The following MAPRE2 variants were observed in gnomAD, a reference collection of about 807,000 sequenced individuals.
MAPRE2 encodes microtubule-associated protein RP/EB family member 2.
Under a neutral mutation model 43.2 loss-of-function variants are expected in MAPRE2, and 13 were observed. The ratio of observed to expected loss-of-function variants is 0.30; its 90% CI spans 0.20 to 0.48. The LOEUF is 0.48. Among genes scored for constraint, MAPRE2 ranks in the 20% least tolerant of loss-of-function variants. The probability of loss-of-function intolerance (pLI) is 0.99; values close to 1 mark genes in which losing one functional copy is unlikely to be tolerated. For missense variants in MAPRE2, 161 were observed against 400.2 expected (o/e 0.40, Z 5.10); for synonymous variants, 135 against 148.8 (o/e 0.91, Z 0.68).
chr18:35,076,461 G>A (rs550956217), intron 2 of MAPRE2, among the ~76,000 whole-genome samples: 7 of 152,294 alleles, frequency 4.6e-5, no homozygotes, highest in East Asian at 1.9e-4. Context: ...AATGGCCATC[G>A]TTTGGGAAAC....
chr18:35,069,542 T>C lies in MAPRE2; in HGVS notation c.123-653T>C, dbSNP rs182809792. 2.2e-3 allele frequency among the ~76,000 whole-genome samples: 334 copies of C among 152,306 alleles called. 1 individual carries two copies. The highest frequency in any genetic ancestry group is 0.012 in the South Asian group (56 of 4,830). Reference sequence around the variant, plus strand: ...ATAAATCAAACAAGATGGTCAAGTATTGATAATTCTTGAATCCAAGGGGTA... The same window carrying C: ...ATAAATCAAACAAGATGGTCAAGTACTGATAATTCTTGAATCCAAGGGGTA... On this transcript the variant is annotated intron_variant, in intron 1 of 6. Transcript: ENST00000300249.
intron 3 of MAPRE2, among the ~76,000 whole-genome samples, chr18:35,098,900 T>C (rs1016135814): frequency 1.3e-5 from 2 of 152,218 alleles, no homozygotes; most frequent in African/African-American, 4.8e-5. Flanking sequence ...AGACTGGCCA[T>C]GATGGCCTTT....
intron 1 of MAPRE2, among the ~76,000 whole-genome samples, chr18:34,997,563 C>T (rs1404595492): frequency 1.3e-5 from 2 of 152,186 alleles, no homozygotes; most frequent in African/African-American, 4.8e-5. Flanking sequence ...CACTTGTAAT[C>T]CCAGCACTTT....
At chr18:35,057,432 ATGT>A (rs1260429515) in intron 1 of MAPRE2, among the ~76,000 whole-genome samples, 1 of 152,058 alleles carries the variant, frequency 6.6e-6, no homozygotes, top group Non-Finnish European at 1.5e-5. Context: ...GATGCTAGAA[ATGT>A]TGTAACTTTA....
intron 4 of MAPRE2, among the ~76,000 whole-genome samples, chr18:35,104,324 C>T (rs1252786862): frequency 6.6e-6 from 1 of 152,064 alleles, no homozygotes; most frequent in African/African-American, 2.4e-5. Flanking sequence ...AGAGTAGATT[C>T]AACCTTTAAC....
intron 6 of MAPRE2, among the ~76,000 whole-genome samples, chr18:35,134,178 G>A (rs1204218254): frequency 1.3e-5 from 2 of 152,142 alleles, no homozygotes; most frequent in Non-Finnish European, 2.9e-5. Flanking sequence ...TCATCCCATT[G>A]TACAGATGAG....
At chr18:35,139,006 G>A (rs518672) in intron 6 of MAPRE2, among the ~76,000 whole-genome samples, 5 of 151,888 alleles carry the variant, frequency 3.3e-5, no homozygotes, top group East Asian at 1.9e-4. Flanking sequence ...CCGAGAATCC[G>A]ATCCCTGACC....
intron 2 of MAPRE2, among the ~76,000 whole-genome samples, chr18:35,074,506 A>G (rs898114752): frequency 3.3e-5 from 5 of 152,126 alleles, no homozygotes; most frequent in Admixed American, 3.3e-4. Context: ...GAGAAAGTAC[A>G]TCTTTTCCTT....
intron 1 of MAPRE2, among the ~76,000 whole-genome samples, chr18:35,047,733 C>T (rs972652838): frequency 9.6e-6 from 1 of 104,230 alleles, no homozygotes; most frequent in Non-Finnish European, 2.2e-5. Context: ...AAAAAAAAAA[C>T]ACTGTGTTTT....
chr18:35,031,019 T>C (rs1253177454), intron 2 of MAPRE2, among the ~76,000 whole-genome samples: 1 of 152,248 alleles, frequency 6.6e-6, no homozygotes, highest in Admixed American at 6.5e-5. Flanking sequence ...CAGGAATGTC[T>C]ACCCTGGTCA....
At chr18:35,064,190 C>T (rs2150617838) in intron 1 of MAPRE2, among the ~76,000 whole-genome samples, 1 of 127,134 alleles carries the variant, frequency 7.9e-6, no homozygotes, top group Admixed American at 7.8e-5. Context: ...AGAGCAAAGC[C>T]TCATTTCAAA....
chr18:35,118,094 C>T (rs1909491591), intron 4 of MAPRE2, among the ~76,000 whole-genome samples: 1 of 152,154 alleles, frequency 6.6e-6, no homozygotes. Context: ...AAGGCTCACA[C>T]TCACTGGACA....
At chr18:34,986,223 T>G (rs570598963) in intron 1 of MAPRE2, among the ~76,000 whole-genome samples, 48 of 152,274 alleles carry the variant, frequency 3.2e-4, no homozygotes, top group Admixed American at 2.9e-3. Flanking sequence ...CTTTAAAAGC[T>G]GGTAAAGGCT....
chr18:35,111,067 T>TC (rs1909151548), intron 4 of MAPRE2, among the ~76,000 whole-genome samples: 1 of 152,208 alleles, frequency 6.6e-6, no homozygotes, highest in Non-Finnish European at 1.5e-5. Context: ...GGGACTTCAT[T>TC]TATCCATATG....
At chr18:35,084,623 T>C (rs1907786505) in intron 2 of MAPRE2, among the ~76,000 whole-genome samples, 1 of 152,252 alleles carries the variant, frequency 6.6e-6, no homozygotes. Context: ...AGGGAAAAGA[T>C]GGGGTGCTTT....
intron 1 of MAPRE2, among the ~76,000 whole-genome samples, chr18:35,042,361 TAC>T (rs562831883): frequency 6.8e-4 from 103 of 152,292 alleles, no homozygotes; most frequent in Admixed American, 1.4e-3. Context: ...CCTTCTTATT[TAC>T]AGTAGGAAGG....
chr18:35,044,172 C>T (rs1324705481), intron 1 of MAPRE2, among the ~76,000 whole-genome samples: 6 of 152,080 alleles, frequency 3.9e-5, no homozygotes, highest in Non-Finnish European at 5.9e-5. Context: ...GAATTCTTTC[C>T]CTGGATCCTT....
At chr18:35,097,714 T>A in intron 3 of MAPRE2, 123 bp downstream of exon 3, 1 of 779,444 alleles carries the variant, frequency 1.3e-6, no homozygotes, top group Non-Finnish European at 2.0e-6. Flanking sequence ...TAGGCTGGGG[T>A]CTGTACCTAG....
At position 35,041,578 on chromosome 18, in the gene MAPRE2, GAAC is replaced by G. The variant is rs781228346; in HGVS notation, c.46_48del (p.Asn16del). 6.2e-7 allele frequency: 1 copy of G among 1,614,248 alleles called. No individual in the cohort carries two copies. The highest frequency in any genetic ancestry group is 8.5e-7 in the Non-Finnish European group (1 of 1,180,048). Reference sequence around the variant, plus strand: ...CCCAAACCCTGTCCCCAAATGGCGAGAACAACAACGACATCATCCAGGATAATA... The same window carrying G: ...CCCAAACCCTGTCCCCAAATGGCGAGAACAACGACATCATCCAGGATAATA... On this transcript the variant is annotated inframe_deletion, in exon 1 of 7. Coordinates refer to ENST00000300249, the MANE Select transcript of MAPRE2 (RefSeq NM_014268.4).
Sources: gnomAD v4.1 joint callset for allele counts (sites outside exome capture counted in the v4.1 genomes callset) on GRCh38, gnomAD v4.1.1 for gene constraint, MANE v1.5 for transcripts, NCBI Gene and HGNC (gene_info 2026-07-23, HGNC 2026-07-21) for gene names.